The following CNTNAP5 variants were observed in gnomAD, a reference collection of about 807,000 sequenced individuals.
CNTNAP5 encodes the protein contactin associated protein family member 5.
In CNTNAP5, 72 loss-of-function variants were observed where a neutral mutation model predicts 150.2. That is an observed-to-expected ratio of 0.48 (90% confidence interval 0.40 to 0.58). The LOEUF (loss-of-function observed/expected upper bound fraction) is 0.58. CNTNAP5 is among the 20% of genes least tolerant of loss of function. The pLI is 0.00. For synonymous variants in CNTNAP5, 672 were observed against 619.8 expected (o/e 1.08, Z -1.25); for missense variants, 1,636 against 1,626.2 (o/e 1.01, Z -0.10).
intron 13 of CNTNAP5, among the ~76,000 whole-genome samples, chr2:124,719,177 C>G (rs930143575): frequency 1.4e-4 from 22 of 152,152 alleles, no homozygotes; most frequent in African/African-American, 5.3e-4. Flanking sequence ...TTGGGTTTCA[C>G]TCTCTCCAGC....
intron 3 of CNTNAP5, among the ~76,000 whole-genome samples, chr2:124,307,056 G>A (rs1047369207): frequency 2.0e-4 from 31 of 152,048 alleles, no homozygotes; most frequent in Admixed American, 9.8e-4. Flanking sequence ...TCTTTCTCCC[G>A]TGGAGGCAGG....
chr2:124,912,105 C>T (rs1678669791), intron 23 of CNTNAP5, among the ~76,000 whole-genome samples: 1 of 152,114 alleles, frequency 6.6e-6, no homozygotes, highest in South Asian at 2.1e-4. Flanking sequence ...TGTTGGCCTC[C>T]CCACTTTTTT....
intron 13 of CNTNAP5, among the ~76,000 whole-genome samples, chr2:124,673,738 G>C (rs191811486): frequency 6.7e-6 from 1 of 149,024 alleles, no homozygotes; most frequent in East Asian, 2.0e-4. Flanking sequence ...GAGAGAATAA[G>C]TAATTTCTGC....
chr2:124,794,823 C>T (rs1681810986), intron 18 of CNTNAP5, among the ~76,000 whole-genome samples: 1 of 152,072 alleles, frequency 6.6e-6, no homozygotes, highest in Non-Finnish European at 1.5e-5. Context: ...AGATATAATA[C>T]TATTTCATCT....
intron 1 of CNTNAP5, among the ~76,000 whole-genome samples, chr2:124,092,231 G>A (rs1479019612): frequency 1.3e-5 from 2 of 152,186 alleles, no homozygotes; most frequent in Non-Finnish European, 2.9e-5. Flanking sequence ...GCCTATTAGA[G>A]TAAAGCCAGA....
chr2:124,322,750 C>T (rs1407737279), intron 3 of CNTNAP5, among the ~76,000 whole-genome samples: 1 of 152,136 alleles, frequency 6.6e-6, no homozygotes, highest in Non-Finnish European at 1.5e-5. Context: ...GAATACTTGT[C>T]CATGGAGCAG....
At chr2:124,727,722 G>T (rs1680188417) in intron 13 of CNTNAP5, among the ~76,000 whole-genome samples, 2 of 151,892 alleles carry the variant, frequency 1.3e-5, no homozygotes, top group African/African-American at 4.8e-5. Context: ...CATCTTTAGG[G>T]TTTTCTATGT....
chr2:124,485,612 C>CAAAAAAAAAAAAAAAAAAAAAAAAAAAA (rs576700912), intron 7 of CNTNAP5, among the ~76,000 whole-genome samples: 1 of 52,402 alleles, frequency 1.9e-5, no homozygotes, highest in Admixed American at 2.7e-4. Context: ...GACTCTGTCT[C>CAAAAAAAAAAAAAAAAAAAAAAAAAAAA]AAAAAAAAAA....
Position 124,575,040 on chromosome 2 carries a change from T to C in CNTNAP5, c.1756+11717T>C, listed in dbSNP as rs542478144. Among the ~76,000 whole-genome samples the C allele has an allele frequency of 6.6e-5, 10 of 152,284 alleles. No homozygotes were observed. In the East Asian group the frequency reaches 1.7e-3, roughly 27 times the overall value. On this transcript the variant is annotated intron_variant, in intron 11 of 23. Transcript: ENST00000682447. ...CAAGTATGATCATAACCCTTTCTTA[T>C]AGATTTCTTCTCATGTATTTACATC... is the stretch of plus-strand genomic sequence containing the variant.
At chr2:124,499,244 C>T (rs1205452553) in intron 7 of CNTNAP5, among the ~76,000 whole-genome samples, 2 of 152,124 alleles carry the variant, frequency 1.3e-5, no homozygotes, top group African/African-American at 4.8e-5. Flanking sequence ...ATGATCTATA[C>T]CAAATTGTAA....
At chr2:124,773,910 G>A (rs1181573678) in intron 17 of CNTNAP5, among the ~76,000 whole-genome samples, 4 of 5,876 alleles carry the variant, frequency 6.8e-4, no homozygotes, top group Admixed American at 2.5e-3. Context: ...AAGGGAGTGC[G>A]TGTGTGTGTG....
intron 3 of CNTNAP5, among the ~76,000 whole-genome samples, chr2:124,401,797 T>C (rs1348341565): frequency 6.6e-6 from 1 of 152,156 alleles, no homozygotes; most frequent in Non-Finnish European, 1.5e-5. Context: ...CATGGGGCAG[T>C]GAGGGTAGCG....
intron 1 of CNTNAP5, among the ~76,000 whole-genome samples, chr2:124,058,899 T>A (rs140682135): frequency 2.6e-5 from 4 of 152,330 alleles, no homozygotes; most frequent in East Asian, 3.9e-4. Flanking sequence ...GCTGATCCAA[T>A]CTGCCAGGGA....
chr2:124,887,652 A>C (rs1041610033), intron 21 of CNTNAP5, among the ~76,000 whole-genome samples: 2 of 152,152 alleles, frequency 1.3e-5, no homozygotes, highest in Non-Finnish European at 2.9e-5. Context: ...GGAATCTGAA[A>C]ATGAGGATGA....
rs1000356722 is a variant in CNTNAP5, at chr2:124,550,549, C to T, written c.1650-12668C>T. ...TTCCTGATAGCTCCAATATTCCAAC[C>T]GAGGTATCATAATCATGATGCTGAA... On this transcript the variant is annotated intron_variant, in intron 10 of 23. Coordinates refer to ENST00000682447, the MANE Select transcript of CNTNAP5 (RefSeq NM_001367498.1). Among the ~76,000 whole-genome samples the T allele has an allele frequency of 1.6e-4, 25 of 152,158 alleles. No homozygotes were observed. In the South Asian group the frequency reaches 1.9e-3, roughly 11 times the overall value.
chr2:124,240,694 A>G (rs952137190), intron 2 of CNTNAP5, among the ~76,000 whole-genome samples: 1 of 152,188 alleles, frequency 6.6e-6, no homozygotes, highest in Non-Finnish European at 1.5e-5. Context: ...ACTTTTCTCA[A>G]ACAAAATCTG....
At chr2:124,170,137 G>A (rs376453685) in intron 1 of CNTNAP5, among the ~76,000 whole-genome samples, 7 of 152,260 alleles carry the variant, frequency 4.6e-5, no homozygotes, top group Admixed American at 3.9e-4. Context: ...ACCACTAAAG[G>A]ATGACACAGG....
At chr2:124,306,050 G>A (rs1010575371) in intron 3 of CNTNAP5, among the ~76,000 whole-genome samples, 3 of 151,964 alleles carry the variant, frequency 2.0e-5, no homozygotes, top group South Asian at 4.2e-4. Flanking sequence ...GTATAATTCC[G>A]TCTCCTTAGC....
chr2:124,118,289 A>T (rs1683477412), intron 1 of CNTNAP5, among the ~76,000 whole-genome samples: 1 of 152,186 alleles, frequency 6.6e-6, no homozygotes, highest in East Asian at 1.9e-4. Context: ...ATGTTTTGAT[A>T]ACTGAAGGAC....
Sources: allele counts gnomAD v4.1 joint callset (sites outside exome capture counted in the v4.1 genomes callset), GRCh38; gene constraint gnomAD v4.1.1; transcripts MANE v1.5; gene names NCBI Gene and HGNC (gene_info 2026-07-23, HGNC 2026-07-21).